FTO: variants seen among roughly 807,000 people sequenced by gnomAD.
FTO encodes alpha-ketoglutarate-dependent dioxygenase FTO.
Under a neutral mutation model 63.9 loss-of-function variants are expected in FTO, and 47 were observed. The ratio of observed to expected loss-of-function variants is 0.74; its 90% confidence interval spans 0.58 to 0.94. The LOEUF is 0.94. Among genes scored for constraint, FTO ranks in the 40% least tolerant of loss-of-function variants. The pLI, the probability that FTO is intolerant of heterozygous loss-of-function variation, is 0.00. For missense variants in FTO, 562 were observed against 618.1 expected (o/e 0.91, Z 0.96); for synonymous variants, 207 against 224.4 (o/e 0.92, Z 0.69).
At chr16:54,081,611 A>G (rs1389435292) in intron 8 of FTO, among the ~76,000 whole-genome samples, 4 of 152,116 alleles carry the variant, frequency 2.6e-5, no homozygotes, top group Non-Finnish European at 5.9e-5. Flanking sequence ...AACAAGCACT[A>G]TATATAAATT....
chr16:54,105,554 A>G (rs2086732602), intron 8 of FTO, among the ~76,000 whole-genome samples: 2 of 152,328 alleles, frequency 1.3e-5, no homozygotes, highest in South Asian at 2.1e-4. Context: ...GGATCCAAAT[A>G]CCTACCCCTG....
At chr16:53,771,917 T>A (rs892275505) in intron 1 of FTO, among the ~76,000 whole-genome samples, 1 of 152,006 alleles carries the variant, frequency 6.6e-6, no homozygotes, top group African/African-American at 2.4e-5. Context: ...CCATAGAGAC[T>A]GGAAATAGAT....
intron 1 of FTO, among the ~76,000 whole-genome samples, chr16:53,777,013 T>A (rs969907030): frequency 6.6e-6 from 1 of 152,202 alleles, no homozygotes; most frequent in Non-Finnish European, 1.5e-5. Flanking sequence ...TGTGGCATGA[T>A]TAAATCAAGC....
intron 7 of FTO, among the ~76,000 whole-genome samples, chr16:53,918,959 A>G (rs898346206): frequency 6.6e-6 from 1 of 152,178 alleles, no homozygotes; most frequent in Admixed American, 6.5e-5. Flanking sequence ...TAAAAATGTG[A>G]TTAATACTTG....
intron 4 of FTO, among the ~76,000 whole-genome samples, chr16:53,868,026 T>C (rs535356601): frequency 8.5e-5 from 13 of 152,338 alleles, no homozygotes; most frequent in African/African-American, 3.1e-4. Context: ...TTTAGATTAA[T>C]GTTAGCATAG....
chr16:53,961,879 A>G (rs929067607), intron 8 of FTO, among the ~76,000 whole-genome samples: 1 of 152,104 alleles, frequency 6.6e-6, no homozygotes, highest in African/African-American at 2.4e-5. Context: ...AGTGTGAAAT[A>G]AGACTTCCCA....
chr16:53,843,310 T>C (rs890130744), intron 3 of FTO, among the ~76,000 whole-genome samples: 6 of 152,312 alleles, frequency 3.9e-5, no homozygotes, highest in East Asian at 1.9e-4. Context: ...TATTGCCAAA[T>C]TGTCCTCTAC....
intron 1 of FTO, among the ~76,000 whole-genome samples, chr16:53,728,362 G>A (rs1022396958): frequency 2.6e-5 from 4 of 152,066 alleles, no homozygotes; most frequent in African/African-American, 7.2e-5. Context: ...ATGACATCAC[G>A]TTTTAGTCAA....
At chr16:53,744,862 T>C (rs2076612831) in intron 1 of FTO, among the ~76,000 whole-genome samples, 1 of 150,882 alleles carries the variant, frequency 6.6e-6, no homozygotes, top group South Asian at 2.1e-4. Context: ...GTAGAGCTCC[T>C]ACCGTCTTTG....
intron 1 of FTO, among the ~76,000 whole-genome samples, chr16:53,793,203 A>C (rs962102826): frequency 1.3e-5 from 2 of 152,190 alleles, no homozygotes; most frequent in Non-Finnish European, 2.9e-5. Context: ...TGATATTAAT[A>C]TATTTTTCAG....
intron 7 of FTO, among the ~76,000 whole-genome samples, chr16:53,891,015 GAGTCTTGCTCTGTTGCCC>G (rs2081130327): frequency 6.6e-6 from 1 of 150,998 alleles, no homozygotes; most frequent in Admixed American, 6.6e-5. Context: ...TTTTGAGACG[GAGTCTTGCTCTGTTGCCC>G]AGGCTGGAGT....
chr16:53,988,058 A>G (rs1280803545), intron 8 of FTO, among the ~76,000 whole-genome samples: 1 of 152,106 alleles, frequency 6.6e-6, no homozygotes, highest in East Asian at 1.9e-4. Context: ...TGTTAATAGG[A>G]TTTATAAAAC....
chr16:53,989,180 G>A (rs116126104), intron 8 of FTO, among the ~76,000 whole-genome samples: 253 of 152,244 alleles, frequency 1.7e-3, no homozygotes, highest in African/African-American at 5.4e-3. Context: ...TGACCTGGGC[G>A]TGAAAGAATG....
At chr16:53,860,509 G>T (rs116302561) in intron 4 of FTO, among the ~76,000 whole-genome samples, 2 of 152,158 alleles carry the variant, frequency 1.3e-5, no homozygotes, top group African/African-American at 4.8e-5. Context: ...GAAGTAGGAC[G>T]CTGGCATCTG....
At chr16:53,966,236 T>C (rs1189737979) in intron 8 of FTO, among the ~76,000 whole-genome samples, 3 of 152,246 alleles carry the variant, frequency 2.0e-5, no homozygotes, top group African/African-American at 7.2e-5. Flanking sequence ...GTATTTGTTA[T>C]TTTTACTGTT....
Position 53,826,189 on chromosome 16 carries a change from C to G in FTO, c.449C>G (p.Thr150Ser). Residue 150 changes from threonine to serine, a missense_variant, in exon 3 of 9, where the codon ACC (threonine) becomes AGC (serine). Coordinates refer to ENST00000471389, the MANE Select transcript of FTO (RefSeq NM_001080432.3). ...CTCAATGACTACCTGCAGATAGAAACCATCCAGGCTTTGGAAGAACTTGCT... is the reference window on the plus strand; with the variant it reads ...CTCAATGACTACCTGCAGATAGAAAGCATCCAGGCTTTGGAAGAACTTGCT... Reference protein sequence around the residue: ...LKLNDYLQIETIQALEELAAK... With the variant: ...LKLNDYLQIESIQALEELAAK... 6.2e-7 allele frequency: 1 copy of G among 1,614,112 alleles called. No homozygotes were observed.
intron 7 of FTO, among the ~76,000 whole-genome samples, chr16:53,909,658 G>T (rs2081634483): frequency 6.8e-6 from 1 of 147,716 alleles, no homozygotes; most frequent in South Asian, 2.2e-4. Context: ...CCGCCTCCCA[G>T]GTTCAAGCGA....
At chr16:53,796,251 C>T (rs915680090) in intron 1 of FTO, among the ~76,000 whole-genome samples, 2 of 151,998 alleles carry the variant, frequency 1.3e-5, no homozygotes, top group African/African-American at 2.4e-5. Context: ...GCAATGTCGG[C>T]CAGGCTAATC....
chr16:53,963,415 A>T (rs919969364), intron 8 of FTO, among the ~76,000 whole-genome samples: 2 of 152,198 alleles, frequency 1.3e-5, no homozygotes, highest in Non-Finnish European at 2.9e-5. Context: ...GATTGACATC[A>T]TTTGGATCTG....
Sources: gnomAD v4.1 joint callset for allele counts (sites outside exome capture counted in the v4.1 genomes callset) on GRCh38, gnomAD v4.1.1 for gene constraint, MANE v1.5 for transcripts, NCBI Gene and HGNC (gene_info 2026-07-23, HGNC 2026-07-21) for gene names.